Variants in NCAPD3 observed in about 807,000 individuals in gnomAD.
NCAPD3 encodes the protein condensin-2 complex subunit D3.
In NCAPD3, 105 loss-of-function variants were observed where a neutral mutation model predicts 182.9. That is an observed-to-expected ratio of 0.57 (90% confidence interval 0.49 to 0.68). NCAPD3 has a LOEUF of 0.68. Among genes scored for constraint, NCAPD3 ranks in the 30% least tolerant of loss-of-function variants. The pLI is 0.00. For synonymous variants in NCAPD3, 815 were observed against 679.9 expected (o/e 1.20, Z -3.09); for missense variants, 1,944 against 1,837.0 (o/e 1.06, Z -1.07).
chr11:134,207,249 C>G (rs997575318), intron 7 of NCAPD3, among the ~76,000 whole-genome samples: 1 of 152,028 alleles, frequency 6.6e-6, no homozygotes, highest in Non-Finnish European at 1.5e-5. Flanking sequence ...CTTTCATCTA[C>G]ATAGCTAGAT....
chr11:134,177,895 C>T (rs986950170), intron 22 of NCAPD3: 1 of 154,134 alleles, frequency 6.5e-6, no homozygotes, highest in African/African-American at 2.4e-5. Flanking sequence ...TTCTTTCTTT[C>T]TTTCTTTCTT....
chr11:134,184,850 C>CCT (rs1565539410), intron 18 of NCAPD3, 53 bp downstream of exon 18: 34 of 1,402,696 alleles, frequency 2.4e-5, no homozygotes, highest in African/African-American at 2.9e-5. Context: ...CACACACACA[C>CCT]CTGAAATGAA....
chr11:134,199,334 A>G (rs753863156), intron 13 of NCAPD3, among the ~76,000 whole-genome samples: 2 of 152,194 alleles, frequency 1.3e-5, no homozygotes, highest in Non-Finnish European at 2.9e-5. Flanking sequence ...CTTTATTTAT[A>G]TGGGCAGTAT....
intron 24 of NCAPD3, among the ~76,000 whole-genome samples, chr11:134,170,120 T>C (rs1031156690): frequency 6.6e-6 from 1 of 152,196 alleles, no homozygotes; most frequent in Non-Finnish European, 1.5e-5. Flanking sequence ...AGAAGGTAGA[T>C]GAGAAATCAT....
At chr11:134,156,390 TTTC>T (rs1483566740) in intron 32 of NCAPD3, among the ~76,000 whole-genome samples, 1 of 152,188 alleles carries the variant, frequency 6.6e-6, no homozygotes, top group African/African-American at 2.4e-5. Context: ...ACAGGAAGCA[TTTC>T]TTCTTCCTGT....
chr11:134,225,224 G>A (rs752690816), upstream of NCAPD3: 8 of 1,614,050 alleles, frequency 5.0e-6, no homozygotes, highest in African/African-American at 1.3e-5. Flanking sequence ...ACGGGAAGAA[G>A]GAGAAATATT....
chr11:134,171,024 C>A (rs568647119), intron 24 of NCAPD3, among the ~76,000 whole-genome samples: 2 of 151,796 alleles, frequency 1.3e-5, no homozygotes, highest in Non-Finnish European at 2.9e-5. Context: ...AATTAACATT[C>A]CAAGTAATGC....
intron 25 of NCAPD3, 48 bp downstream of exon 25, chr11:134,168,869 C>A (rs1481824720): frequency 1.3e-6 from 2 of 1,583,408 alleles, no homozygotes; most frequent in Admixed American, 1.7e-5. Flanking sequence ...CTGATTCCCC[C>A]AGCTCTTACC....
chr11:134,210,137 G>T, intron 4 of NCAPD3, 133 bp downstream of exon 4: 2 of 688,722 alleles, frequency 2.9e-6, no homozygotes, highest in Non-Finnish European at 5.0e-6. Context: ...AAGCAGTATT[G>T]GATAGCTTAT....
chr11:134,192,760 G>A lies in NCAPD3; in HGVS notation c.1974C>T (p.His658=). 1 of 1,614,248 alleles carries A rather than the reference G, an allele frequency of 6.2e-7. No homozygotes were observed. The highest frequency in any genetic ancestry group is 8.5e-7 in the Non-Finnish European group (1 of 1,180,052). The change falls in exon 16 of 35, where the codon CAC becomes CAT. Residue 658 remains histidine (H), a synonymous_variant. Transcript: ENST00000534548. ...CGAGGACCTGGCTGTCGTCCCCAGA[G>A]TGAAAATGACTGTGATGCCGGATGT... ...LQNIRHHSHF[H]SGDDSQVLAW... is the part of the protein sequence containing the mutation.
chr11:134,205,845 CT>C, intron 8 of NCAPD3, among the ~76,000 whole-genome samples: 1 of 152,180 alleles, frequency 6.6e-6, no homozygotes, highest in Non-Finnish European at 1.5e-5. Context: ...TTAAAAAGTC[CT>C]TAGTGAGAGA....
intron 19 of NCAPD3, among the ~76,000 whole-genome samples, chr11:134,182,764 A>G (rs191954746): frequency 2.0e-4 from 31 of 152,260 alleles, no homozygotes; most frequent in Admixed American, 1.5e-3. Context: ...CTGCTGAGCT[A>G]TATCTTTGGG....
chr11:134,173,853 C>T (rs959846749), intron 24 of NCAPD3, among the ~76,000 whole-genome samples: 6 of 151,824 alleles, frequency 4.0e-5, no homozygotes, highest in African/African-American at 1.4e-4. Flanking sequence ...CCCAGCTACT[C>T]GGGAGGCTGA....
chr11:134,198,570 T>G (rs973301110), intron 13 of NCAPD3, among the ~76,000 whole-genome samples: 7 of 152,184 alleles, frequency 4.6e-5, no homozygotes, highest in Admixed American at 6.5e-5. Context: ...AGAATAAATG[T>G]CTTCAAATAT....
In NCAPD3 at chr11:134,204,216, G is replaced by A. The variant is rs1944807141; in HGVS notation, c.1090-45C>T. On this transcript the variant is annotated intron_variant, in intron 9 of 34. Transcript: ENST00000534548. The surrounding 1 kb of genome is among the most constrained non-coding windows in gnomAD (Gnocchi z 4.3). ...GTTGACCAACCAATATCCACCCGCA[G>A]GATGGCTGAAACATATTCTGTAATA... The A allele has an allele frequency of 1.9e-6, 3 of 1,601,108 alleles. No homozygotes were observed. Among genetic ancestry groups the A allele is most frequent in the South Asian group, 1.1e-5 (1 of 90,278 alleles).
chr11:134,194,840 T>C, intron 13 of NCAPD3, 102 bp from the exon 14 acceptor site: 1 of 673,768 alleles, frequency 1.5e-6, no homozygotes, highest in Non-Finnish European at 2.5e-6. Context: ...TCTTAAAGAC[T>C]CATTAGCTTG....
At chr11:134,184,868 G>A in intron 18 of NCAPD3, 35 bp downstream of exon 18, 1 of 1,495,476 alleles carries the variant, frequency 6.7e-7, no homozygotes, top group South Asian at 1.1e-5. Flanking sequence ...GAACAGCAAT[G>A]CATTTTCACA....
rs749231175 is a variant in NCAPD3, at chr11:134,158,474, C to T, written c.3889G>A (p.Val1297Met). Residue 1297 changes from valine to methionine, a missense_variant, in exon 30 of 35, where the codon GTG becomes ATG. By Grantham distance (21) the Val-to-Met change is conservative. Transcript: ENST00000534548. The part of the protein sequence containing the change: ...VAQVALCLET[V>M]PVPAGQENPA... ...TTTTCTTGGCCAGCAGGAACTGGCA[C>T]TGTTTCTAAACACAGGGCAACCTGG... The T allele has an allele frequency of 3.7e-6, 6 of 1,613,838 alleles. No homozygotes were observed. In the East Asian group the frequency reaches 1.3e-4, roughly 36 times the overall value.
At chr11:134,154,474 T>C (rs1225654389) in intron 32 of NCAPD3, among the ~76,000 whole-genome samples, 7 of 138,074 alleles carry the variant, frequency 5.1e-5, no homozygotes, top group Non-Finnish European at 4.6e-5. Flanking sequence ...TATGCTTCTC[T>C]GCACCCCCCC....
Sources: allele counts gnomAD v4.1 joint callset (sites outside exome capture counted in the v4.1 genomes callset), GRCh38; gene constraint gnomAD v4.1.1; non-coding constraint Gnocchi (gnomAD v3.1); transcripts MANE v1.5; gene names NCBI Gene and HGNC (gene_info 2026-07-23, HGNC 2026-07-21).